Variants in MAPK10 observed in about 807,000 individuals in gnomAD.
MAPK10 encodes JNK3 alpha protein kinase.
Under a neutral mutation model 59.3 loss-of-function variants are expected in MAPK10, and 25 were observed. The ratio of observed to expected loss-of-function variants is 0.42; its 90% confidence interval spans 0.31 to 0.59. The LOEUF (loss-of-function observed/expected upper bound fraction) is 0.59. Ranked by LOEUF, MAPK10 falls within the 20% of genes least tolerant of loss-of-function variation. The pLI is 0.15. For missense variants in MAPK10, 351 were observed against 568.9 expected, an observed-to-expected ratio of 0.62 and a Z score of 3.90; for synonymous variants, 190 against 200.5, an observed-to-expected ratio of 0.95 and a Z score of 0.44.
intron 1 of MAPK10, among the ~76,000 whole-genome samples, chr4:86,374,736 C>T (rs369599724): frequency 2.0e-5 from 3 of 152,174 alleles, no homozygotes; most frequent in African/African-American, 4.8e-5. Flanking sequence ...TTAGGCCAAC[C>T]GTGAATTTAA....
intron 1 of MAPK10, among the ~76,000 whole-genome samples, chr4:86,568,521 C>T (rs1014430245): frequency 6.6e-6 from 1 of 152,104 alleles, no homozygotes; most frequent in Non-Finnish European, 1.5e-5. Flanking sequence ...GGAGGTATTA[C>T]ATCACCTGAT....
intron 1 of MAPK10, among the ~76,000 whole-genome samples, chr4:86,355,096 C>G (rs1352710767): frequency 6.6e-6 from 1 of 152,130 alleles, no homozygotes; most frequent in Admixed American, 6.6e-5. Context: ...TAAACCTAAG[C>G]TGGAGCTCAT....
At chr4:86,044,768 A>T in intron 11 of MAPK10, 1 of 397,656 alleles carries the variant, frequency 2.5e-6, no homozygotes, top group African/African-American at 2.1e-5. Flanking sequence ...GAAAGGAACA[A>T]TGGAAAGAGC....
chr4:86,027,544 T>C, intron 13 of MAPK10: 1 of 152,220 alleles, frequency 6.6e-6, no homozygotes, highest in East Asian at 1.9e-4. Context: ...ATAGAGTGAA[T>C]AAATATTTAT....
At chr4:86,139,900 G>T (rs1173785129) in intron 4 of MAPK10, among the ~76,000 whole-genome samples, 1 of 148,050 alleles carries the variant, frequency 6.8e-6, no homozygotes, top group African/African-American at 2.6e-5. Context: ...CTCAAAAGAA[G>T]ACATTTATGC....
chr4:86,443,187 T>C (rs1395567532), intron 1 of MAPK10, among the ~76,000 whole-genome samples: 1 of 152,096 alleles, frequency 6.6e-6, no homozygotes, highest in Non-Finnish European at 1.5e-5. Flanking sequence ...GCCCAAACTT[T>C]TGCAATTTTT....
chr4:86,335,879 T>C (rs1721000116), intron 2 of MAPK10, among the ~76,000 whole-genome samples: 1 of 152,176 alleles, frequency 6.6e-6, no homozygotes, highest in African/African-American at 2.4e-5. Flanking sequence ...ACCGCCTCCA[T>C]GAGCCAATCA....
At chr4:86,388,229 T>C (rs1304010532) in intron 1 of MAPK10, among the ~76,000 whole-genome samples, 2 of 151,874 alleles carry the variant, frequency 1.3e-5, no homozygotes, top group East Asian at 3.8e-4. Flanking sequence ...AGAGAGAATA[T>C]ATATAAAATA....
chr4:86,083,290 G>T (rs930162096), intron 9 of MAPK10, among the ~76,000 whole-genome samples: 5 of 152,066 alleles, frequency 3.3e-5, no homozygotes, highest in African/African-American at 1.2e-4. Flanking sequence ...CCACATTGCT[G>T]AAAGAAGCAC....
At chr4:86,037,247 G>A (rs2040499839) in intron 11 of MAPK10, among the ~76,000 whole-genome samples, 1 of 152,176 alleles carries the variant, frequency 6.6e-6, no homozygotes, top group African/African-American at 2.4e-5. Flanking sequence ...GAAGGTAAAA[G>A]TTGCTCTTTC....
intron 11 of MAPK10, among the ~76,000 whole-genome samples, chr4:86,062,579 A>T (rs1035803341): frequency 6.6e-6 from 1 of 152,164 alleles, no homozygotes; most frequent in Non-Finnish European, 1.5e-5. Context: ...AAAACAGATT[A>T]TACATATTAA....
Position 86,013,097 on chromosome 4 carries a change from AAC to A in MAPK10, c.*4129_*4130del, listed in dbSNP as rs1741878478. On this transcript the variant is annotated 3_prime_UTR_variant, in exon 14 of 14. Transcript: ENST00000641462. Reference sequence around the variant, plus strand: ...TTACATATACAAGATTCTATATATAAACAGAGGCCCCTCACTTCAGTTTGGCT... The same window carrying A: ...TTACATATACAAGATTCTATATATAAAGAGGCCCCTCACTTCAGTTTGGCT... 1 of 152,192 alleles carries A rather than the reference AAC, an allele frequency of 6.6e-6. No individual in the cohort carries two copies. The highest frequency in any genetic ancestry group is 1.5e-5 in the Non-Finnish European group (1 of 68,040). 9.4% of individuals were successfully genotyped at this position (152,192 alleles called of 1,614,324 possible).
chr4:86,485,553 G>A (rs1055293653), intron 1 of MAPK10, among the ~76,000 whole-genome samples: 1 of 152,158 alleles, frequency 6.6e-6, no homozygotes, highest in Non-Finnish European at 1.5e-5. Context: ...AGTTAAACAA[G>A]GAAGGAAATA....
chr4:86,272,280 C>T (rs771001596), intron 2 of MAPK10, among the ~76,000 whole-genome samples: 24 of 152,024 alleles, frequency 1.6e-4, no homozygotes, highest in Non-Finnish European at 3.1e-4. Context: ...ATGTGGCTTG[C>T]CTTTGCATCT....
chr4:86,101,848 T>C, intron 7 of MAPK10, 46 bp downstream of exon 7: 1 of 1,600,968 alleles, frequency 6.2e-7, no homozygotes, highest in Non-Finnish European at 8.6e-7. Flanking sequence ...CAGTTACTCT[T>C]CCTCTTAAAG....
chr4:86,586,137 C>T (rs1396171085), intron 1 of MAPK10, among the ~76,000 whole-genome samples: 3 of 152,092 alleles, frequency 2.0e-5, no homozygotes, highest in African/African-American at 4.8e-5. Flanking sequence ...TCTAACATGG[C>T]TAAGTTTCAA....
intron 1 of MAPK10, among the ~76,000 whole-genome samples, chr4:86,377,617 T>C (rs1169478830): frequency 1.3e-5 from 2 of 152,242 alleles, no homozygotes; most frequent in African/African-American, 2.4e-5. Context: ...ACATTTTTGT[T>C]GAATCAAAGA....
chr4:86,277,948 T>G (rs1351329773), intron 2 of MAPK10, among the ~76,000 whole-genome samples: 1 of 151,892 alleles, frequency 6.6e-6, no homozygotes, highest in African/African-American at 2.4e-5. Flanking sequence ...ATGCAAAAAA[T>G]TAAGGAGAAA....
Position 86,405,306 on chromosome 4 carries a change from T to C in MAPK10, c.-122+47724A>G, listed in dbSNP as rs574976582. On this transcript the variant is annotated intron_variant, in intron 1 of 13. Coordinates refer to the MAPK10 transcript ENST00000361569. Reference sequence around the variant, plus strand: ...AATGTGTTGTTAAAACTAAAGGAATTTACTGTATAATATGCTATAATAATG... The same window carrying C: ...AATGTGTTGTTAAAACTAAAGGAATCTACTGTATAATATGCTATAATAATG... Among the ~76,000 whole-genome samples, 9 of 152,312 alleles carry C rather than the reference T, an allele frequency of 5.9e-5. No individual in the cohort carries two copies. The East Asian group carries it at 1.7e-3, about 29-fold the overall frequency.
Sources: gnomAD v4.1 joint callset for allele counts (sites outside exome capture counted in the v4.1 genomes callset) on GRCh38, gnomAD v4.1.1 for gene constraint, MANE v1.5 for transcripts, NCBI Gene and HGNC (gene_info 2026-07-23, HGNC 2026-07-21) for gene names.